Variants in ACTR3 observed in about 807,000 individuals in gnomAD.
ACTR3 encodes the protein actin-related protein 3.
Under a neutral mutation model 56.8 loss-of-function variants are expected in ACTR3, and 12 were observed. The ratio of observed to expected loss-of-function variants is 0.21; its 90% CI spans 0.14 to 0.34. The LOEUF (loss-of-function observed/expected upper bound fraction) is 0.34. Ranked by LOEUF, ACTR3 falls within the 10% of genes least tolerant of loss-of-function variation. The pLI, the probability that ACTR3 is intolerant of heterozygous loss-of-function variation, is 1.00. For missense variants in ACTR3, 282 were observed against 512.5 expected (o/e 0.55, Z 4.34); for synonymous variants, 162 against 167.4 (o/e 0.97, Z 0.25).
At chr2:113,915,275 G>C (rs1191012785) in intron 2 of ACTR3, among the ~76,000 whole-genome samples, 1 of 152,154 alleles carries the variant, frequency 6.6e-6, no homozygotes, top group East Asian at 1.9e-4. Context: ...TCTGGCTTCT[G>C]ATGTTTCCTC....
At chr2:113,932,475 C>T (rs1357795758) in intron 5 of ACTR3, among the ~76,000 whole-genome samples, 1 of 152,078 alleles carries the variant, frequency 6.6e-6, no homozygotes, top group Non-Finnish European at 1.5e-5. Flanking sequence ...GCATCATGAG[C>T]TTTGTTTCAT....
chr2:113,921,832 A>T (rs1328780182), intron 3 of ACTR3, among the ~76,000 whole-genome samples: 1 of 152,194 alleles, frequency 6.6e-6, no homozygotes, highest in African/African-American at 2.4e-5. Flanking sequence ...GGAGACAGAG[A>T]TTCAGAAAGT....
chr2:113,943,169 A>G (rs1679955831), intron 8 of ACTR3, among the ~76,000 whole-genome samples: 1 of 152,234 alleles, frequency 6.6e-6, no homozygotes, highest in African/African-American at 2.4e-5. Flanking sequence ...GGGCACAGGA[A>G]CAAAGAGCAT....
chr2:113,937,113 A>G (rs1175784484), intron 6 of ACTR3, among the ~76,000 whole-genome samples: 1 of 152,022 alleles, frequency 6.6e-6, no homozygotes, highest in African/African-American at 2.4e-5. Flanking sequence ...TTAAAAGATA[A>G]CTTTTTTGGA....
intron 6 of ACTR3, among the ~76,000 whole-genome samples, chr2:113,939,476 C>T (rs1177220914): frequency 1.3e-5 from 2 of 152,146 alleles, no homozygotes; most frequent in Admixed American, 6.5e-5. Context: ...ACTTCTGACA[C>T]ATCAGTAAAT....
At chr2:113,923,346 G>GTTTT (rs869162979) in intron 3 of ACTR3, among the ~76,000 whole-genome samples, 6 of 34,502 alleles carry the variant, frequency 1.7e-4, no homozygotes, top group African/African-American at 3.3e-4. Flanking sequence ...TTGTTTGTTT[G>GTTTT]TTTGTTTTTG....
At chr2:113,934,593 T>G (rs770985654) in intron 6 of ACTR3, 9 of 350,118 alleles carry the variant, frequency 2.6e-5, no homozygotes, top group Non-Finnish European at 4.6e-5. Flanking sequence ...GTACTGCAAT[T>G]AAGAAAATTA....
Position 113,924,211 on chromosome 2 carries a change from A to C in ACTR3, c.226-3134A>C, listed in dbSNP as rs1162283455. Among the ~76,000 whole-genome samples the C allele has an allele frequency of 6.6e-5, 10 of 151,882 alleles. No individual in the cohort carries two copies. In the East Asian group the frequency reaches 1.4e-3, roughly 21 times the overall value. On this transcript the variant is annotated intron_variant, in intron 3 of 11. Transcript: ENST00000263238. ...CAGCCTCCTGAGTAGCGGGGACTAC[A>C]GGTGTGTGCCACCACACCTGGCTAA...
chr2:113,936,430 G>A (rs1423937820), intron 6 of ACTR3, among the ~76,000 whole-genome samples: 2 of 151,182 alleles, frequency 1.3e-5, no homozygotes, highest in African/African-American at 4.9e-5. Context: ...TGACTTATTA[G>A]CTATGCTATA....
At chr2:113,917,273 A>G (rs1679423563) in intron 3 of ACTR3, among the ~76,000 whole-genome samples, 1 of 151,758 alleles carries the variant, frequency 6.6e-6, no homozygotes, top group South Asian at 2.1e-4. Flanking sequence ...GGCCCTCAAT[A>G]AAATTACCTT....
intron 7 of ACTR3, among the ~76,000 whole-genome samples, chr2:113,940,350 C>G (rs1390461316): frequency 6.6e-6 from 1 of 152,052 alleles, no homozygotes; most frequent in Non-Finnish European, 1.5e-5. Context: ...TACCAAATGA[C>G]ATTAACATAA....
At chr2:113,901,893 T>C (rs1437315025) in intron 1 of ACTR3, among the ~76,000 whole-genome samples, 1 of 152,208 alleles carries the variant, frequency 6.6e-6, no homozygotes, top group Non-Finnish European at 1.5e-5. Context: ...TGTACAAGCA[T>C]TTGCAATTTG....
intron 1 of ACTR3, among the ~76,000 whole-genome samples, chr2:113,896,792 G>A (rs1679016987): frequency 1.3e-5 from 2 of 152,124 alleles, no homozygotes; most frequent in African/African-American, 4.8e-5. Context: ...GTAATTGATC[G>A]CTATGCTGAC....
In ACTR3 at chr2:113,957,676, T is replaced by C. The variant is rs763356840; in HGVS notation, c.*221T>C. The stretch of plus-strand genomic sequence containing the variant: ...CTTTAGATTGAATATTTGAATCTTA[T>C]GTGTAACAAAAAGAAGTGGGTTTTA... On this transcript the variant is annotated 3_prime_UTR_variant, in exon 12 of 12. Transcript: ENST00000263238. 1.1e-4 allele frequency: 49 copies of C among 461,804 alleles called. No individual in the cohort carries two copies. The highest frequency in any genetic ancestry group is 1.7e-4 in the Non-Finnish European group (44 of 256,608). 28.6% of individuals were successfully genotyped at this position (461,804 alleles called of 1,614,324 possible).
chr2:113,915,588 A>G (rs189427680), intron 2 of ACTR3, among the ~76,000 whole-genome samples: 39 of 152,320 alleles, frequency 2.6e-4, no homozygotes, highest in Admixed American at 2.4e-3. Flanking sequence ...TTGTGATTGT[A>G]TATTTCAGGA....
intron 1 of ACTR3, among the ~76,000 whole-genome samples, chr2:113,899,369 CAT>C (rs774686084): frequency 1.2e-4 from 18 of 145,628 alleles, no homozygotes; most frequent in Non-Finnish European, 2.1e-4. Context: ...GCACAAAACA[CAT>C]ATGAAAGTAA....
intron 1 of ACTR3, among the ~76,000 whole-genome samples, chr2:113,900,518 G>A (rs1228269087): frequency 1.3e-5 from 2 of 152,158 alleles, no homozygotes; most frequent in South Asian, 2.1e-4. Context: ...TTAAAGGAAT[G>A]GGTAGAGGGA....
intron 6 of ACTR3, among the ~76,000 whole-genome samples, chr2:113,939,125 G>A (rs1037040019): frequency 9.2e-5 from 14 of 151,398 alleles, no homozygotes; most frequent in Non-Finnish European, 1.5e-4. Flanking sequence ...CCGGGTTCAC[G>A]CCATTCTCCT....
At chr2:113,902,535 TAGTA>T (rs1271896151) in intron 1 of ACTR3, among the ~76,000 whole-genome samples, 2 of 152,034 alleles carry the variant, frequency 1.3e-5, no homozygotes, top group Non-Finnish European at 2.9e-5. Flanking sequence ...ATTACTGCCA[TAGTA>T]AGAGCTTTTC....
Sources: gnomAD v4.1 joint callset for allele counts (sites outside exome capture counted in the v4.1 genomes callset) on GRCh38, gnomAD v4.1.1 for gene constraint, MANE v1.5 for transcripts, NCBI Gene and HGNC (gene_info 2026-07-23, HGNC 2026-07-21) for gene names.